The following ALOX5 variants were observed in gnomAD, a reference collection of about 807,000 sequenced individuals.
ALOX5 encodes arachidonate 5-lipoxygenase, also known as polyunsaturated fatty acid 5-lipoxygenase.
A neutral mutation model predicts 87.9 loss-of-function variants in ALOX5; 64 were observed. That is an observed-to-expected ratio of 0.73 (90% CI 0.60 to 0.90). The LOEUF is 0.90. Among genes scored for constraint, ALOX5 ranks in the 40% least tolerant of loss-of-function variants. The pLI, the probability that ALOX5 is intolerant of heterozygous loss-of-function variation, is 0.00. For synonymous variants in ALOX5, 388 were observed against 355.1 expected (o/e 1.09, Z -1.04); for missense variants, 822 against 907.5 (o/e 0.91, Z 1.21).
Position 45,412,408 on chromosome 10 carries a change from T to G in ALOX5, c.554+95T>G. 3 of 1,520,206 alleles carry G rather than the reference T, an allele frequency of 2.0e-6. No homozygotes were observed. The South Asian group carries it at 3.8e-5, about 19-fold the overall frequency. The allele number at this position is 1,520,206 out of a possible 1,614,324, so 94.2% of individuals were successfully genotyped here. The stretch of plus-strand genomic sequence containing the variant: ...CTCCTTTCCTCATGGGGTCCTTGGG[T>G]TGGGGGAACAGCCTAGCTGAGCCAA... On this transcript the variant is annotated intron_variant, in intron 4 of 13. Coordinates refer to ENST00000374391, the MANE Select transcript of ALOX5 (RefSeq NM_000698.5).
chr10:45,400,381 C>G (rs972879776), intron 3 of ALOX5, among the ~76,000 whole-genome samples: 1 of 152,060 alleles, frequency 6.6e-6, no homozygotes, highest in Admixed American at 6.6e-5. Context: ...GGGCAGATCA[C>G]TTGAGGTCAG....
chr10:45,378,047 C>T (rs1332068034), intron 1 of ALOX5, among the ~76,000 whole-genome samples: 2 of 152,202 alleles, frequency 1.3e-5, no homozygotes, highest in Non-Finnish European at 1.5e-5. Flanking sequence ...CAGCCTTCCT[C>T]CTCCCACGTG....
rs1003134295 is a variant in ALOX5, at chr10:45,374,243, G to T, written c.-37G>T. On this transcript the variant is annotated 5_prime_UTR_variant, in exon 1 of 14. Coordinates refer to ENST00000374391, the MANE Select transcript of ALOX5 (RefSeq NM_000698.5). The stretch of plus-strand genomic sequence containing the variant: ...ATGCGGACACCTGGACCGCCGCGCC[G>T]AGGCTCCCGGCGCTCGCTGCTCCCG... The T allele has an allele frequency of 1.4e-6, 2 of 1,448,540 alleles. No homozygotes were observed. The highest frequency in any genetic ancestry group is 9.1e-7 in the Non-Finnish European group (1 of 1,100,260). The allele number at this position is 1,448,540 out of a possible 1,614,324, so 89.7% of individuals were successfully genotyped here.
At chr10:45,438,527 AGTGTCCCAGAGCCATCAG>A (rs1842126945) in intron 7 of ALOX5, among the ~76,000 whole-genome samples, 1 of 152,012 alleles carries the variant, frequency 6.6e-6, no homozygotes, top group African/African-American at 2.4e-5. Context: ...GGAACATGTC[AGTGTCCCAGAGCCATCAG>A]GAACATGTCA....
intron 4 of ALOX5, among the ~76,000 whole-genome samples, chr10:45,419,164 G>C (rs1841408749): frequency 6.6e-6 from 1 of 152,238 alleles, no homozygotes; most frequent in Non-Finnish European, 1.5e-5. Context: ...ACTGGGAGCC[G>C]TGACTGTCAG....
chr10:45,401,178 A>G (rs551109513), intron 3 of ALOX5, among the ~76,000 whole-genome samples: 48 of 152,330 alleles, frequency 3.2e-4, no homozygotes, highest in African/African-American at 1.1e-3. Flanking sequence ...CCCTGGAAAC[A>G]TTTGAGTCTG....
Position 45,443,451 on chromosome 10 carries a change from G to A in ALOX5, c.1487G>A (p.Gly496Asp), listed in dbSNP as rs749902144. ...TAEVVDIYYE[G>D]DQVVEEDPEL... Reference sequence around the variant, plus strand: ...GAGGTGGTAGACATCTACTACGAGGGCGACCAGGTGGTGGAGGAGGACCCG... The same window carrying A: ...GAGGTGGTAGACATCTACTACGAGGACGACCAGGTGGTGGAGGAGGACCCG... Residue 496 changes from glycine (G) to aspartate (D), a missense_variant, in exon 11 of 14, where the codon GGC becomes GAC. Physicochemically the swap from Gly to Asp is moderately conservative, Grantham distance 94 (BLOSUM62 -1). Transcript: ENST00000374391. 6.2e-7 allele frequency: 1 copy of A among 1,611,620 alleles called. No individual in the cohort carries two copies.
intron 10 of ALOX5, 23 bp downstream of exon 10, chr10:45,443,239 T>G (rs28395863): frequency 6.2e-7 from 1 of 1,606,904 alleles, no homozygotes; most frequent in Non-Finnish European, 8.5e-7. Flanking sequence ...GGGGCGGTGG[T>G]CCTGGGGGAG....
chr10:45,410,206 T>C (rs944960689), intron 3 of ALOX5, among the ~76,000 whole-genome samples: 7 of 152,254 alleles, frequency 4.6e-5, no homozygotes, highest in Non-Finnish European at 7.3e-5. Context: ...ATATGACTAA[T>C]GATAGCTAAT....
At chr10:45,433,852 A>C (rs1040745442) in intron 7 of ALOX5, among the ~76,000 whole-genome samples, 1 of 152,260 alleles carries the variant, frequency 6.6e-6, no homozygotes, top group Non-Finnish European at 1.5e-5. Context: ...CTCAGAGTTC[A>C]GTCCTCAGTT....
chr10:45,393,148 C>CA (rs950306520), intron 2 of ALOX5, among the ~76,000 whole-genome samples: 37 of 151,114 alleles, frequency 2.4e-4, no homozygotes, highest in African/African-American at 5.2e-4. Flanking sequence ...GATACACACA[C>CA]AAAAAAAACA....
intron 3 of ALOX5, among the ~76,000 whole-genome samples, chr10:45,402,908 C>T (rs7919239): frequency 6.6e-6 from 1 of 151,996 alleles, no homozygotes; most frequent in African/African-American, 2.4e-5. Flanking sequence ...TTCATTAGGA[C>T]TCGGGGAAAT....
At chr10:45,405,873 G>A (rs1331344578) in intron 3 of ALOX5, among the ~76,000 whole-genome samples, 1 of 151,936 alleles carries the variant, frequency 6.6e-6, no homozygotes, top group African/African-American at 2.4e-5. Flanking sequence ...CAAGTAGCTG[G>A]GGCTACAGGC....
chr10:45,409,819 G>A (rs1841010898), intron 3 of ALOX5, among the ~76,000 whole-genome samples: 1 of 152,232 alleles, frequency 6.6e-6, no homozygotes, highest in Non-Finnish European at 1.5e-5. Flanking sequence ...GTGACCTGCA[G>A]TGGAAGGGAC....
intron 2 of ALOX5, among the ~76,000 whole-genome samples, chr10:45,394,928 A>G (rs567249561): frequency 6.6e-6 from 1 of 152,348 alleles, no homozygotes; most frequent in South Asian, 2.1e-4. Context: ...ACCAGTTACA[A>G]TGGCAATCAT....
rs542866478 is a variant in ALOX5 at position 45,420,407 on chromosome 10, C to T, written c.555-3634C>T. Among the ~76,000 whole-genome samples the T allele has an allele frequency of 1.4e-4, 22 of 152,294 alleles. No individual in the cohort carries two copies. The South Asian group carries it at 4.1e-3, about 29-fold the overall frequency. ...TAATACAAAGCATGAAGTCATGTTT[C>T]CCTCAAAAAAATGATTTGTTCTGTA... On this transcript the variant is annotated intron_variant, in intron 4 of 13. Transcript: ENST00000374391.
chr10:45,377,958 G>A (rs113975467), intron 1 of ALOX5, among the ~76,000 whole-genome samples: 5 of 152,174 alleles, frequency 3.3e-5, no homozygotes, highest in Admixed American at 1.3e-4. Flanking sequence ...AAATGAGGCC[G>A]GTGAGTTGCA....
intron 4 of ALOX5, among the ~76,000 whole-genome samples, chr10:45,412,694 A>T (rs1009759304): frequency 6.6e-6 from 1 of 152,214 alleles, no homozygotes; most frequent in African/African-American, 2.4e-5. Context: ...CCAAATTGCC[A>T]GTGCTGATCC....
intron 3 of ALOX5, among the ~76,000 whole-genome samples, chr10:45,398,210 T>C (rs1272232210): frequency 6.6e-6 from 1 of 152,240 alleles, no homozygotes; most frequent in Non-Finnish European, 1.5e-5. Context: ...GGCCAATTAA[T>C]TTTTGACAGA....
Sources: allele counts gnomAD v4.1 joint callset (sites outside exome capture counted in the v4.1 genomes callset), GRCh38; gene constraint gnomAD v4.1.1; transcripts MANE v1.5; gene names NCBI Gene and HGNC (gene_info 2026-07-23, HGNC 2026-07-21).